Variants in BCL2 observed in about 807,000 individuals in gnomAD.
BCL2 encodes BCL2 apoptosis regulator, also known as apoptosis regulator Bcl-2.
A neutral mutation model predicts 14.2 loss-of-function variants in BCL2; 1 was observed. The ratio of observed to expected loss-of-function variants is 0.07; its 90% CI spans 0.02 to 0.33. BCL2 has a LOEUF of 0.33. Ranked by LOEUF, BCL2 falls within the 10% of genes least tolerant of loss-of-function variation. The pLI, the probability that BCL2 is intolerant of heterozygous loss-of-function variation, is 0.99. For synonymous variants in BCL2, 151 were observed against 137.2 expected, an observed-to-expected ratio of 1.10 and a Z score of -0.70; for missense variants, 247 against 305.9, an observed-to-expected ratio of 0.81 and a Z score of 1.44.
At chr18:63,172,268 CACTT>C (rs1424569262) in intron 2 of BCL2, among the ~76,000 whole-genome samples, 1 of 152,220 alleles carries the variant, frequency 6.6e-6, no homozygotes, top group Non-Finnish European at 1.5e-5. Context: ...TTCACGTACT[CACTT>C]GCTGCACAGC....
Position 63,142,490 on chromosome 18 carries a change from G to A in BCL2, c.586-13731C>T, listed in dbSNP as rs149010859. On this transcript the variant is annotated intron_variant, in intron 2 of 2. Transcript: ENST00000333681. Reference sequence around the variant, plus strand: ...GTTCTGTTGTTCTTGGTTTGGGGCAGGTAAGTCACAAATGGCTGAAACTTC... The same window carrying A: ...GTTCTGTTGTTCTTGGTTTGGGGCAAGTAAGTCACAAATGGCTGAAACTTC... 3.8e-3 allele frequency among the ~76,000 whole-genome samples: 582 copies of A among 152,320 alleles called. 3 individuals carry two copies. The highest frequency in any genetic ancestry group is 0.013 in the African/African-American group (536 of 41,564).
At chr18:63,267,918 T>C (rs2144234818) in intron 2 of BCL2, among the ~76,000 whole-genome samples, 1 of 152,320 alleles carries the variant, frequency 6.6e-6, no homozygotes. Flanking sequence ...TCTTCCTTCC[T>C]TCCTAAAAAT....
chr18:63,137,701 C>T (rs756041666), intron 2 of BCL2, among the ~76,000 whole-genome samples: 1 of 152,198 alleles, frequency 6.6e-6, no homozygotes, highest in Non-Finnish European at 1.5e-5. Context: ...CTCACAGGTG[C>T]TTGATTCTCC....
At position 63,197,374 on chromosome 18, in the gene BCL2, A is replaced by G. The variant is rs534753041; in HGVS notation, c.586-68615T>C. 2.2e-4 allele frequency among the ~76,000 whole-genome samples: 34 copies of G among 152,366 alleles called. 1 individual carries two copies. The South Asian group carries it at 6.8e-3, about 31-fold the overall frequency. ...CAGACAGTGCAAGTCACAAGCTTAT[A>G]GCAGCACCGTGTCTGTCATGTGGTG... On this transcript the variant is annotated intron_variant, in intron 2 of 2. Coordinates refer to ENST00000333681, the MANE Select transcript of BCL2 (RefSeq NM_000633.3).
chr18:63,145,229 A>G (rs1411609494), intron 2 of BCL2, among the ~76,000 whole-genome samples: 4 of 152,260 alleles, frequency 2.6e-5, no homozygotes, highest in African/African-American at 9.6e-5. Flanking sequence ...GATCCTTTCA[A>G]GTGATCAGCT....
chr18:63,141,127 C>T (rs1193076400), intron 2 of BCL2, among the ~76,000 whole-genome samples: 1 of 152,220 alleles, frequency 6.6e-6, no homozygotes, highest in Non-Finnish European at 1.5e-5. Flanking sequence ...CTTCAATTTT[C>T]CTCATCTGAA....
chr18:63,168,295 T>G (rs541428249), intron 2 of BCL2, among the ~76,000 whole-genome samples: 77 of 145,468 alleles, frequency 5.3e-4, no homozygotes, highest in African/African-American at 1.9e-3. Context: ...TGATGGCTCA[T>G]GGGCAGGAGG....
At chr18:63,157,111 A>G (rs1478330293) in intron 2 of BCL2, among the ~76,000 whole-genome samples, 1 of 152,240 alleles carries the variant, frequency 6.6e-6, no homozygotes, top group Non-Finnish European at 1.5e-5. Flanking sequence ...TTTCCCGAGG[A>G]ATTAAGTATG....
chr18:63,302,939 A>G, intron 2 of BCL2: 1 of 948,206 alleles, frequency 1.1e-6, no homozygotes, highest in East Asian at 1.2e-4. Context: ...CTCCCTTGAT[A>G]CGCCCTGGTT....
At chr18:63,192,419 A>G (rs983954543) in intron 2 of BCL2, among the ~76,000 whole-genome samples, 1 of 152,162 alleles carries the variant, frequency 6.6e-6, no homozygotes, top group African/African-American at 2.4e-5. Flanking sequence ...GCAGTGTAAG[A>G]TTTTGGAAAT....
At chr18:63,295,238 G>A (rs936813679) in intron 2 of BCL2, among the ~76,000 whole-genome samples, 4 of 151,354 alleles carry the variant, frequency 2.6e-5, no homozygotes, top group Non-Finnish European at 4.4e-5. Flanking sequence ...GGAGAACAGA[G>A]AGAACCAAGA....
chr18:63,195,133 G>A (rs1314153485), intron 2 of BCL2, among the ~76,000 whole-genome samples: 4 of 152,218 alleles, frequency 2.6e-5, no homozygotes, highest in Non-Finnish European at 5.9e-5. Flanking sequence ...TCATAGTGGG[G>A]ATGGAAACCT....
rs1272356573 is a variant in BCL2 at position 63,169,355 on chromosome 18, TTCTTTCTTTCTTTC to T, written c.586-40610_586-40597del. On this transcript the variant is annotated intron_variant, in intron 2 of 2. Coordinates refer to ENST00000333681, the MANE Select transcript of BCL2 (RefSeq NM_000633.3). Reference sequence around the variant, plus strand: ...TTCCTTCCTTTCTTTCTTTCTTTCTTTCTTTCTTTCTTTCTCTTTCTTTCTTTCTTTCTTTTTCT... The same window carrying T: ...TTCCTTCCTTTCTTTCTTTCTTTCTTTCTTTCTTTCTTTCTTTCTTTTTCT... Among the ~76,000 whole-genome samples the T allele has an allele frequency of 9.2e-4, 58 of 63,134 alleles. 4 individuals carry two copies. Among genetic ancestry groups the T allele is most frequent in the Admixed American group, 5.1e-3 (28 of 5,458 alleles). 41.4% of individuals were successfully genotyped at this position (63,134 alleles called of 152,430 possible).
At chr18:63,212,131 T>A (rs373026540) in intron 2 of BCL2, among the ~76,000 whole-genome samples, 1 of 149,424 alleles carries the variant, frequency 6.7e-6, no homozygotes, top group Non-Finnish European at 1.5e-5. Flanking sequence ...TTCGAGACCA[T>A]CCTGGCCAAC....
chr18:63,318,074 G>A lies in BCL2; in HGVS notation c.585+8C>T. 1 of 1,613,616 alleles carries A rather than the reference G, an allele frequency of 6.2e-7. No individual in the cohort carries two copies. The highest frequency in any genetic ancestry group is 8.5e-7 in the Non-Finnish European group (1 of 1,179,826). On this transcript the variant is annotated splice_region_variant and intron_variant, in intron 2 of 2. Coordinates refer to ENST00000333681, the MANE Select transcript of BCL2 (RefSeq NM_000633.3). The surrounding 1 kb of genome is among the most constrained non-coding windows in gnomAD (Gnocchi z 7.4). The stretch of plus-strand genomic sequence containing the variant: ...TCAGCCCAGACTCACATCACCAAGT[G>A]CACCTACCCAGCCTCCGTTATCCTG...
chr18:63,249,968 C>A (rs1041128880), intron 2 of BCL2, among the ~76,000 whole-genome samples: 4 of 152,124 alleles, frequency 2.6e-5, no homozygotes, highest in Non-Finnish European at 5.9e-5. Context: ...CACACTTGCA[C>A]ATACATCCTC....
intron 2 of BCL2, among the ~76,000 whole-genome samples, chr18:63,306,982 G>A (rs772947186): frequency 9.2e-5 from 14 of 151,962 alleles, no homozygotes; most frequent in Admixed American, 2.6e-4. Flanking sequence ...CAGCCACGCC[G>A]CTCTGGCTCT....
At chr18:63,284,358 A>G (rs910382564) in intron 2 of BCL2, among the ~76,000 whole-genome samples, 1 of 152,192 alleles carries the variant, frequency 6.6e-6, no homozygotes, top group African/African-American at 2.4e-5. Context: ...GCAGTGGTTG[A>G]GGAGAAAAGA....
intron 2 of BCL2, among the ~76,000 whole-genome samples, chr18:63,169,011 T>C (rs935651148): frequency 6.6e-6 from 1 of 152,230 alleles, no homozygotes; most frequent in Non-Finnish European, 1.5e-5. Context: ...CCTAACAGCA[T>C]TGAATAAACA....
Sources: allele counts gnomAD v4.1 joint callset (sites outside exome capture counted in the v4.1 genomes callset), GRCh38; gene constraint gnomAD v4.1.1; non-coding constraint Gnocchi (gnomAD v3.1); transcripts MANE v1.5; gene names NCBI Gene and HGNC (gene_info 2026-07-23, HGNC 2026-07-21).